Variants in NUDCD1 observed in about 807,000 individuals in gnomAD.
NUDCD1 encodes NudC domain containing 1, also known as nudC domain-containing protein 1.
NUDCD1 carries 60 observed loss-of-function variants against 67.8 expected under a neutral mutation model. That is an observed-to-expected ratio of 0.88 (90% CI 0.72 to 1.10). The LOEUF (loss-of-function observed/expected upper bound fraction) is 1.10. Among genes scored for constraint, NUDCD1 ranks in the 50% least tolerant of loss-of-function variants. The probability of loss-of-function intolerance (pLI) is 0.00; values close to 1 mark genes in which losing one functional copy is unlikely to be tolerated. For synonymous variants in NUDCD1, 244 were observed against 230.8 expected, an observed-to-expected ratio of 1.06 and a Z score of -0.52; for missense variants, 643 against 695.0, an observed-to-expected ratio of 0.93 and a Z score of 0.84.
intron 8 of NUDCD1, among the ~76,000 whole-genome samples, chr8:109,246,141 C>T (rs899118178): frequency 6.6e-6 from 1 of 152,182 alleles, no homozygotes; most frequent in African/African-American, 2.4e-5. Context: ...AAACTGGTCC[C>T]TGGTGCCAAA....
At chr8:109,320,121 T>C (rs934320428) in intron 2 of NUDCD1, among the ~76,000 whole-genome samples, 2 of 152,146 alleles carry the variant, frequency 1.3e-5, no homozygotes, top group Admixed American at 1.3e-4. Flanking sequence ...AAATTAAAAT[T>C]GCTAATGAAG....
chr8:109,264,337 G>A (rs1303750071), intron 8 of NUDCD1, among the ~76,000 whole-genome samples: 1 of 152,126 alleles, frequency 6.6e-6, no homozygotes, highest in Non-Finnish European at 1.5e-5. Context: ...ACAAAACTTA[G>A]AATTTTGAAG....
At chr8:109,282,119 C>A (rs530381786) in intron 5 of NUDCD1, among the ~76,000 whole-genome samples, 1 of 152,302 alleles carries the variant, frequency 6.6e-6, no homozygotes, top group South Asian at 2.1e-4. Flanking sequence ...GGTGTCCACA[C>A]CTGCCACTGG....
intron 2 of NUDCD1, among the ~76,000 whole-genome samples, chr8:109,303,351 G>A (rs113779107): frequency 0.021 from 3,148 of 152,246 alleles, 110 homozygotes; most frequent in African/African-American, 0.072. Flanking sequence ...TCTTACACTG[G>A]AGGGTAAGTC....
At chr8:109,271,705 T>TA (rs1385094779) in intron 7 of NUDCD1, among the ~76,000 whole-genome samples, 1 of 152,024 alleles carries the variant, frequency 6.6e-6, no homozygotes, top group Non-Finnish European at 1.5e-5. Context: ...ACATTTTCTT[T>TA]AAAAAATCAA....
intron 8 of NUDCD1, among the ~76,000 whole-genome samples, chr8:109,266,031 T>C (rs1008242199): frequency 1.3e-5 from 2 of 151,802 alleles, no homozygotes; most frequent in African/African-American, 4.8e-5. Flanking sequence ...TTCAAGTCTA[T>C]ATAATTTGAT....
chr8:109,311,021 G>A lies in NUDCD1; in HGVS notation c.273+11288C>T, dbSNP rs557985385. Among the ~76,000 whole-genome samples the A allele has an allele frequency of 1.5e-3, 223 of 151,658 alleles. 2 individuals carry two copies. The highest frequency in any genetic ancestry group is 5.0e-3 in the Admixed American group (76 of 15,240). On this transcript the variant is annotated intron_variant, in intron 2 of 9. Coordinates refer to ENST00000239690, the MANE Select transcript of NUDCD1 (RefSeq NM_032869.4). ...AGTAGAGATGGGGTTTCACCATGTT[G>A]GCCAGGACGGTCTCAATCTCCTGAC...
chr8:109,260,157 G>A (rs1036629153), intron 8 of NUDCD1, among the ~76,000 whole-genome samples: 7 of 152,200 alleles, frequency 4.6e-5, no homozygotes, highest in African/African-American at 1.7e-4. Flanking sequence ...GGAAATGTCT[G>A]CAACAATTAT....
intron 1 of NUDCD1, among the ~76,000 whole-genome samples, chr8:109,331,621 C>G (rs1815810431): frequency 6.6e-6 from 1 of 150,886 alleles, no homozygotes; most frequent in East Asian, 1.9e-4. Flanking sequence ...GAGTACGGAA[C>G]AAGGACAACT....
intron 6 of NUDCD1, among the ~76,000 whole-genome samples, chr8:109,277,566 G>A (rs149214116): frequency 1.4e-3 from 217 of 152,052 alleles, no homozygotes; most frequent in African/African-American, 5.0e-3. Flanking sequence ...CGAGAGGTAC[G>A]AATAATTTAC....
At chr8:109,264,411 T>C (rs1260026638) in intron 8 of NUDCD1, among the ~76,000 whole-genome samples, 1 of 152,288 alleles carries the variant, frequency 6.6e-6, no homozygotes, top group East Asian at 1.9e-4. Flanking sequence ...CTGGTGAGAT[T>C]AGTGGTATAT....
chr8:109,273,016 G>A lies in NUDCD1; in HGVS notation c.1174-1886C>T, dbSNP rs1221695147. Among the ~76,000 whole-genome samples, 6 of 152,050 alleles carry A rather than the reference G, an allele frequency of 3.9e-5. No homozygotes were observed. In the South Asian group the frequency reaches 1.2e-3, roughly 31 times the overall value. ...TAGAAGCAGAAAAAATTAAAAGTTC[G>A]GGACTATCAAGGCCACCAGTGCTTC... is the stretch of plus-strand genomic sequence containing the variant. On this transcript the variant is annotated intron_variant, in intron 7 of 9. Coordinates refer to ENST00000239690, the MANE Select transcript of NUDCD1 (RefSeq NM_032869.4).
intron 7 of NUDCD1, 87 bp from the exon 8 acceptor site, chr8:109,271,217 A>G (rs531512010): frequency 1.2e-6 from 1 of 860,636 alleles, no homozygotes; most frequent in East Asian, 2.5e-5. Flanking sequence ...TTAAGGTTAC[A>G]GCAGTAATTA....
At chr8:109,314,120 A>G (rs1156772254) in intron 2 of NUDCD1, among the ~76,000 whole-genome samples, 1 of 152,190 alleles carries the variant, frequency 6.6e-6, no homozygotes, top group African/African-American at 2.4e-5. Flanking sequence ...TGACAATTTC[A>G]CTACATGCCC....
chr8:109,271,942 T>A (rs961106538), intron 7 of NUDCD1, among the ~76,000 whole-genome samples: 1 of 151,880 alleles, frequency 6.6e-6, no homozygotes, highest in Non-Finnish European at 1.5e-5. Context: ...ATTATATACA[T>A]AACAAAAATA....
At chr8:109,311,452 CAA>C (rs1251234331) in intron 2 of NUDCD1, among the ~76,000 whole-genome samples, 1 of 151,414 alleles carries the variant, frequency 6.6e-6, no homozygotes, top group African/African-American at 2.4e-5. Context: ...AGTCATTATA[CAA>C]AAAAGATACT....
intron 2 of NUDCD1, among the ~76,000 whole-genome samples, chr8:109,310,174 T>G (rs1815208814): frequency 6.6e-6 from 1 of 151,898 alleles, no homozygotes; most frequent in African/African-American, 2.4e-5. Context: ...AAGACTAAGT[T>G]AAAAGAACAA....
At position 109,331,625 on chromosome 8, in the gene NUDCD1, G is replaced by A. The variant is rs114808130; in HGVS notation, c.118+2268C>T. Among the ~76,000 whole-genome samples the A allele has an allele frequency of 3.3e-3, 496 of 152,044 alleles. 3 individuals carry two copies. The highest frequency in any genetic ancestry group is 0.011 in the African/African-American group (457 of 41,452). On this transcript the variant is annotated intron_variant, in intron 1 of 9. Coordinates refer to ENST00000239690, the MANE Select transcript of NUDCD1 (RefSeq NM_032869.4). ...GCTGATGAAATGAGTACGGAACAAG[G>A]ACAACTTTGTGAATTTTTTCTAAAG...
At chr8:109,270,067 C>CGG (rs1171291973) in intron 8 of NUDCD1, among the ~76,000 whole-genome samples, 7 of 4,554 alleles carry the variant, frequency 1.5e-3, no homozygotes, top group South Asian at 5.3e-3. Flanking sequence ...GTGGCGGGGG[C>CGG]GGGGGGGGGG....
Sources: gnomAD v4.1 joint callset for allele counts (sites outside exome capture counted in the v4.1 genomes callset) on GRCh38, gnomAD v4.1.1 for gene constraint, MANE v1.5 for transcripts, NCBI Gene and HGNC (gene_info 2026-07-23, HGNC 2026-07-21) for gene names.